The following ADGRB1 variants were observed in gnomAD, a reference collection of about 807,000 sequenced individuals.
The protein encoded by ADGRB1 is adhesion G protein-coupled receptor B1, also known as brain-specific angiogenesis inhibitor 1.
In ADGRB1, 36 loss-of-function variants were observed where a neutral mutation model predicts 175.7. That is an observed-to-expected ratio of 0.20 (90% CI 0.16 to 0.27). The LOEUF is 0.27. ADGRB1 is among the 10% of genes least tolerant of loss of function. ADGRB1 has a pLI of 1.00. For missense variants in ADGRB1, 1,731 were observed against 2,255.3 expected, an observed-to-expected ratio of 0.77 and a Z score of 4.71; for synonymous variants, 1,054 against 979.4, an observed-to-expected ratio of 1.08 and a Z score of -1.42.
rs368089728 is a variant in ADGRB1 at position 142,533,506 on chromosome 8, G to A, written c.3570+40G>A. The A allele has an allele frequency of 2.3e-5, 35 of 1,544,532 alleles. No homozygotes were observed. The African/African-American group carries it at 4.5e-4, about 20-fold the overall frequency. On this transcript the variant is annotated intron_variant, in intron 25 of 30. Coordinates refer to ENST00000517894, the MANE Select transcript of ADGRB1 (RefSeq NM_001702.3). ...CTCTGTCGGGCCGGGCTCCTGCGGG[G>A]TCCTGGGGCTGCCGAGTGGCCTCCT...
rs1194687375 is a variant in ADGRB1 at position 142,511,287 on chromosome 8, C to G, written c.2817+214C>G. Reference sequence around the variant, plus strand: ...GCGGGTGGCAGTGTGGAGTTGGAGACGGGCCTGGGAGGAGTCGGGACCCCC... The same window carrying G: ...GCGGGTGGCAGTGTGGAGTTGGAGAGGGGCCTGGGAGGAGTCGGGACCCCC... On this transcript the variant is annotated intron_variant, in intron 18 of 30. Transcript: ENST00000517894. This position sits in a 1 kb window ranked among gnomAD's most constrained non-coding sequence, Gnocchi z 4.5. Among the ~76,000 whole-genome samples the G allele has an allele frequency of 3.3e-5, 5 of 151,896 alleles. No homozygotes were observed. The highest frequency in any genetic ancestry group is 7.4e-5 in the Non-Finnish European group (5 of 67,918).
At chr8:142,514,088 G>T (rs770968740) in intron 18 of ADGRB1, among the ~76,000 whole-genome samples, 1 of 152,076 alleles carries the variant, frequency 6.6e-6, no homozygotes, top group Non-Finnish European at 1.5e-5. Context: ...AGAGAGGGGT[G>T]CTGCCTAGCT....
At chr8:142,452,139 G>A (rs959804246) in intron 1 of ADGRB1, among the ~76,000 whole-genome samples, 21 of 152,198 alleles carry the variant, frequency 1.4e-4, no homozygotes, top group Non-Finnish European at 2.2e-4. Context: ...GGCGCCCCAC[G>A]CCCTCCCTTC....
Position 142,523,143 on chromosome 8 carries a change from A to G in ADGRB1, c.3245+433A>G, listed in dbSNP as rs562822846. Among the ~76,000 whole-genome samples, 3 of 152,320 alleles carry G rather than the reference A, an allele frequency of 2.0e-5. No individual in the cohort carries two copies. The East Asian group carries it at 5.8e-4, about 29-fold the overall frequency. On this transcript the variant is annotated intron_variant, in intron 22 of 30. Transcript: ENST00000517894. ...CAGGCAGGGCAGGGGTCGGAGGCTTATTTCACAGATGATGTCACTGAGACC... is the reference window on the plus strand; with the variant it reads ...CAGGCAGGGCAGGGGTCGGAGGCTTGTTTCACAGATGATGTCACTGAGACC...
rs1841228292 is a variant in ADGRB1, at chr8:142,479,747, C to A, written c.1781C>A (p.Thr594Asn). ...TTTGGTGCTGTGATCTGGAAGGAGA[C>A]CCCAGCGGGAGAGGTGGCTGCTGTC... ...DNFGAVIWKE[T>N]PAGEVAAVRC... The change falls in exon 9 of 31, where the codon ACC becomes AAC. Residue 594 changes from threonine (T) to asparagine (N), a missense_variant. Around this residue, in one of 8 missense-constraint regions of ADGRB1, gnomAD observed 388 missense variants for 630.9 expected, o/e 0.61. Transcript: ENST00000517894. 23 of 1,613,388 alleles carry A rather than the reference C, an allele frequency of 1.4e-5. No homozygotes were observed. Among genetic ancestry groups the A allele is most frequent in the Non-Finnish European group, 1.9e-5 (22 of 1,179,644 alleles).
At chr8:142,521,885 C>T in intron 20 of ADGRB1, 80 bp from the exon 21 acceptor site, 1 of 1,489,926 alleles carries the variant, frequency 6.7e-7, no homozygotes, top group Non-Finnish European at 9.0e-7. Flanking sequence ...GGGCTGCCAG[C>T]TGCAGACAGG....
chr8:142,518,427 A>T (rs537897493), intron 19 of ADGRB1, among the ~76,000 whole-genome samples, 186 bp downstream of exon 19: 2 of 151,696 alleles, frequency 1.3e-5, no homozygotes, highest in South Asian at 4.2e-4. Context: ...ACAGGTCCTG[A>T]GGCCACCCCA....
At chr8:142,458,151 C>T (rs949789455) in intron 1 of ADGRB1, among the ~76,000 whole-genome samples, 4 of 152,178 alleles carry the variant, frequency 2.6e-5, no homozygotes, top group African/African-American at 9.7e-5. Context: ...GGCCTGGGCC[C>T]AGGGTCGGGT....
intron 3 of ADGRB1, among the ~76,000 whole-genome samples, chr8:142,475,901 C>T (rs1840945829): frequency 6.6e-6 from 1 of 151,856 alleles, no homozygotes; most frequent in African/African-American, 2.4e-5. Context: ...AAACTCGGGG[C>T]TGGCCCGTGG....
intron 24 of ADGRB1, 74 bp from the exon 25 acceptor site, chr8:142,533,221 A>G: frequency 1.5e-6 from 2 of 1,378,394 alleles, no homozygotes; most frequent in Non-Finnish European, 9.5e-7. Context: ...CGAGGCCTGG[A>G]GATGCAGGGT....
rs554209858 is a variant in ADGRB1, at chr8:142,524,229, C to T, written c.3246-9C>T. On this transcript the variant is annotated splice_polypyrimidine_tract_variant and intron_variant, in intron 22 of 30. Transcript: ENST00000517894. ...CACGGGCGGTGCTGATGGCCTGTCT[C>T]CTCCCCAGCTGCTGGCTCTCCCTGG... 2.1e-5 allele frequency: 33 copies of T among 1,597,694 alleles called. No individual in the cohort carries two copies. Among genetic ancestry groups the T allele is most frequent in the Non-Finnish European group, 2.7e-5 (32 of 1,178,392 alleles).
At position 142,474,697 on chromosome 8, in the gene ADGRB1, G is replaced by C. The variant is rs1485226483; in HGVS notation, c.785-777G>C. ...GGGCGTGAGGTCTGGTTTGCTAGGG[G>C]AACACAGGTCCATGAAGGCCGCGGG... On this transcript the variant is annotated intron_variant, in intron 2 of 30. Coordinates refer to ENST00000517894, the MANE Select transcript of ADGRB1 (RefSeq NM_001702.3). The surrounding 1 kb of genome is among the most constrained non-coding windows in gnomAD (Gnocchi z 5.8). 1.3e-5 allele frequency among the ~76,000 whole-genome samples: 2 copies of C among 152,182 alleles called. No individual in the cohort carries two copies. Among genetic ancestry groups the C allele is most frequent in the Non-Finnish European group, 2.9e-5 (2 of 68,034 alleles).
intron 1 of ADGRB1, among the ~76,000 whole-genome samples, chr8:142,460,033 C>A (rs1839892270): frequency 6.6e-6 from 1 of 152,258 alleles, no homozygotes. Flanking sequence ...GCCAACACTG[C>A]AGCCATGTGA....
chr8:142,535,608 C>T (rs559251171), intron 25 of ADGRB1, among the ~76,000 whole-genome samples: 2 of 152,170 alleles, frequency 1.3e-5, no homozygotes, highest in Admixed American at 6.5e-5. Flanking sequence ...CCCAGCCGGC[C>T]CTGTGGCCTG....
intron 17 of ADGRB1, among the ~76,000 whole-genome samples, chr8:142,499,137 C>T (rs1465293717): frequency 6.6e-6 from 1 of 152,232 alleles, no homozygotes; most frequent in Non-Finnish European, 1.5e-5. Flanking sequence ...CTCACTGGCA[C>T]CCACACACAG....
chr8:142,483,849 T>G, intron 11 of ADGRB1, 128 bp from the exon 12 acceptor site: 4 of 974,538 alleles, frequency 4.1e-6, no homozygotes, highest in Non-Finnish European at 4.8e-6. Flanking sequence ...GGTCACACAC[T>G]GAGCCCTGAT....
chr8:142,475,949 C>G (rs1354008838), intron 3 of ADGRB1, among the ~76,000 whole-genome samples: 2 of 90,472 alleles, frequency 2.2e-5, no homozygotes, highest in Non-Finnish European at 5.0e-5. Flanking sequence ...GTGAGGGCCC[C>G]GAAGAGGGTG....
chr8:142,475,457 C>G lies in ADGRB1; in HGVS notation c.785-17C>G. ...CCCCTGCCCTGCCCTGATCCCCGCCCTCTGGTTTCCCCCCAGGCGGCTGGA... is the reference window on the plus strand; with the variant it reads ...CCCCTGCCCTGCCCTGATCCCCGCCGTCTGGTTTCCCCCCAGGCGGCTGGA... On this transcript the variant is annotated splice_polypyrimidine_tract_variant and intron_variant, in intron 2 of 30. Transcript: ENST00000517894. 7.8e-7 allele frequency: 1 copy of G among 1,287,886 alleles called. No homozygotes were observed. 79.8% of individuals were successfully genotyped at this position (1,287,886 alleles called of 1,614,324 possible).
rs904854036 is a variant in ADGRB1 at position 142,471,816 on chromosome 8, G to T, written c.785-3658G>T. On this transcript the variant is annotated intron_variant, in intron 2 of 30. Transcript: ENST00000517894. The stretch of plus-strand genomic sequence containing the variant: ...TGGGCACCTCCAGTAGGAGCGGCTG[G>T]CAGCAGGTGGGCTAAGTCAGGCCAC... 1.6e-4 allele frequency among the ~76,000 whole-genome samples: 25 copies of T among 152,236 alleles called. 1 individual carries two copies.
Sources: allele counts gnomAD v4.1 joint callset (sites outside exome capture counted in the v4.1 genomes callset), GRCh38; gene constraint gnomAD v4.1.1; regional missense constraint gnomAD v4.1.1; non-coding constraint Gnocchi (gnomAD v3.1); transcripts MANE v1.5; gene names NCBI Gene and HGNC (gene_info 2026-07-23, HGNC 2026-07-21).